ADGRV1: variants seen among roughly 807,000 people sequenced by gnomAD.
The protein encoded by ADGRV1 is G-protein coupled receptor 98.
Under a neutral mutation model 596.2 loss-of-function variants are expected in ADGRV1, and 359 were observed. The observed-to-expected ratio is 0.60, with a 90% confidence interval of 0.55 to 0.66. ADGRV1 has a LOEUF of 0.66. Ranked by LOEUF, ADGRV1 falls within the 30% of genes least tolerant of loss-of-function variation. The pLI is 0.00. For synonymous variants in ADGRV1, 2,681 were observed against 2,679.2 expected, an observed-to-expected ratio of 1.00 and a Z score of -0.02; for missense variants, 7,274 against 7,575.6, an observed-to-expected ratio of 0.96 and a Z score of 1.48.
At chr5:90,780,197 G>A (rs1399179266) in intron 64 of ADGRV1, 1 of 152,100 alleles carries the variant, frequency 6.6e-6, no homozygotes, top group East Asian at 1.9e-4. Context: ...TTTTTAAAAA[G>A]CAGTTTCTAT....
intron 85 of ADGRV1, among the ~76,000 whole-genome samples, chr5:91,027,353 A>G (rs1784104420): frequency 6.6e-6 from 1 of 152,086 alleles, no homozygotes; most frequent in African/African-American, 2.4e-5. Context: ...AAATCCCTCA[A>G]TCTCTTTACA....
chr5:90,639,096 A>ACACT, intron 11 of ADGRV1, among the ~76,000 whole-genome samples: 1 of 150,876 alleles, frequency 6.6e-6, no homozygotes, highest in East Asian at 1.9e-4. Context: ...ACACACACAC[A>ACACT]CGCTCGCGCA....
At chr5:90,632,507 A>G (rs892104961) in intron 9 of ADGRV1, among the ~76,000 whole-genome samples, 20 of 152,214 alleles carry the variant, frequency 1.3e-4, no homozygotes. Flanking sequence ...AGTATCCTCT[A>G]TGTTAAACTT....
chr5:91,091,700 G>GT (rs1456485453), intron 86 of ADGRV1: 1 of 152,112 alleles, frequency 6.6e-6, no homozygotes, highest in Non-Finnish European at 1.5e-5. Flanking sequence ...GGTGAATGGT[G>GT]TAGATTTCAG....
At position 90,790,871 on chromosome 5, in the gene ADGRV1, A is replaced by G. The variant is rs1371811456; in HGVS notation, c.14044-2A>G. 1 of 1,573,744 alleles carries G rather than the reference A, an allele frequency of 6.4e-7. No individual in the cohort carries two copies. The highest frequency in any genetic ancestry group is 8.6e-7 in the Non-Finnish European group (1 of 1,159,968). On this transcript the variant is annotated splice_acceptor_variant, in intron 69 of 89. Coordinates refer to ENST00000405460, the MANE Select transcript of ADGRV1 (RefSeq NM_032119.4). LOFTEE classifies it high-confidence loss of function. The stretch of plus-strand genomic sequence containing the variant: ...TTGTTGAGTTTTTTTCTTTTATTTT[A>G]GGTTTACTGGGAATTAAGTAGTGAG...
intron 70 of ADGRV1, chr5:90,792,913 A>T (rs1247772056): frequency 6.6e-6 from 1 of 152,268 alleles, no homozygotes; most frequent in Non-Finnish European, 1.5e-5. Flanking sequence ...TCATTGACAC[A>T]TGCTGATTCA....
intron 82 of ADGRV1, among the ~76,000 whole-genome samples, chr5:90,860,572 T>C (rs1273468217): frequency 6.6e-6 from 1 of 152,102 alleles, no homozygotes; most frequent in Non-Finnish European, 1.5e-5. Context: ...TGGGAATCAA[T>C]AGTGATAAGC....
In ADGRV1 at chr5:91,001,874, G is replaced by A. The variant is rs575402381; in HGVS notation, c.18152+16352G>A. Among the ~76,000 whole-genome samples the A allele has an allele frequency of 2.6e-5, 4 of 151,340 alleles. 1 individual carries two copies. The East Asian group carries it at 7.8e-4, about 30-fold the overall frequency. On this transcript the variant is annotated intron_variant, in intron 85 of 89. Coordinates refer to ENST00000405460, the MANE Select transcript of ADGRV1 (RefSeq NM_032119.4). ...TATTTTCTCTAATTCTTTTCTCTTT[G>A]TGTCTTTTTCTCTCAGTTGTTGCTA...
At chr5:90,847,800 C>T (rs986722384) in intron 78 of ADGRV1, among the ~76,000 whole-genome samples, 1 of 152,246 alleles carries the variant, frequency 6.6e-6, no homozygotes, top group Non-Finnish European at 1.5e-5. Flanking sequence ...CCACCCGGAA[C>T]TCGCGCTGGC....
intron 86 of ADGRV1, among the ~76,000 whole-genome samples, chr5:91,079,030 T>G (rs1789099393): frequency 6.6e-6 from 1 of 152,146 alleles, no homozygotes; most frequent in African/African-American, 2.4e-5. Context: ...TGATATGATT[T>G]TTTTTCCTAA....
Position 90,619,108 on chromosome 5 carries a change from T to A in ADGRV1, c.380T>A (p.Leu127His). The change falls in exon 4 of 90, where the codon CTT becomes CAT. Residue 127 changes from leucine to histidine, a missense_variant. Physicochemically the swap from Leu to His is moderately conservative, Grantham distance 99. This residue lies in a region of ADGRV1 where 1,715 missense variants were observed against 1,708.8 expected (regional missense o/e 1.00). Transcript: ENST00000405460. ...TAGAAACCTTCAGCAAATGTGAAGCTTGGATGGCCAAGGACTGTTACTGTG... is the reference window on the plus strand; with the variant it reads ...TAGAAACCTTCAGCAAATGTGAAGCATGGATGGCCAAGGACTGTTACTGTG... ...TLQKPSANVK[L>H]GWPRTVTVTI... 6.8e-7 allele frequency: 1 copy of A among 1,471,112 alleles called. No homozygotes were observed. The highest frequency in any genetic ancestry group is 9.1e-7 in the Non-Finnish European group (1 of 1,102,146). 91.1% of individuals were successfully genotyped at this position (1,471,112 alleles called of 1,614,324 possible). A position where few individuals can be genotyped will look rare whatever the true frequency, so the allele number is the denominator to read the frequency against.
chr5:91,126,399 T>C (rs2973442), intron 87 of ADGRV1, among the ~76,000 whole-genome samples: 128,850 of 152,242 alleles, frequency 0.85, 54,826 homozygotes, highest in African/African-American at 0.91. Flanking sequence ...ATATAATTAT[T>C]CAACATTTTT....
At chr5:90,894,696 C>G (rs748329918) in intron 83 of ADGRV1, among the ~76,000 whole-genome samples, 2 of 152,162 alleles carry the variant, frequency 1.3e-5, no homozygotes, top group Non-Finnish European at 2.9e-5. Flanking sequence ...CAAGCACGAA[C>G]ACAAGAAATC....
chr5:90,626,559 T>C (rs1764786327), intron 6 of ADGRV1: 1 of 151,744 alleles, frequency 6.6e-6, no homozygotes, highest in African/African-American at 2.4e-5. Flanking sequence ...ACAGTGGAGA[T>C]TAACCCCAAG....
chr5:91,152,481 A>G (rs1012708230), intron 88 of ADGRV1, among the ~76,000 whole-genome samples: 9 of 151,988 alleles, frequency 5.9e-5, no homozygotes, highest in Non-Finnish European at 8.8e-5. Flanking sequence ...CATCTTACCA[A>G]AAAAAAGTAT....
rs781697491 is a variant in ADGRV1, at chr5:90,725,186, C to T, written c.10007C>T (p.Ser3336Phe). Reference protein sequence around the residue: ...THEERNEEKPSLNSVFTFTSG... With the variant: ...THEERNEEKPFLNSVFTFTSG... Reference sequence around the variant, plus strand: ...GAAGAAAGAAATGAAGAAAAGCCTTCTCTTAACAGTGTGTTTACATTCACA... The same window carrying T: ...GAAGAAAGAAATGAAGAAAAGCCTTTTCTTAACAGTGTGTTTACATTCACA... The change falls in exon 47 of 90, where the codon TCT (serine) becomes TTT (phenylalanine). Residue 3336 changes from serine to phenylalanine, a missense_variant. Around this residue, in one of 5 missense-constraint regions of ADGRV1, gnomAD observed 3,643 missense variants for 3,809.2 expected, o/e 0.96. Transcript: ENST00000405460. 30 of 1,544,088 alleles carry T rather than the reference C, an allele frequency of 1.9e-5. No individual in the cohort carries two copies. In the Admixed American group the frequency reaches 5.4e-4, roughly 28 times the overall value.
rs551821895 is a variant in ADGRV1, at chr5:91,088,397, A to G, written c.18311-13822A>G. Among the ~76,000 whole-genome samples the G allele has an allele frequency of 1.2e-4, 19 of 152,326 alleles. No homozygotes were observed. In the South Asian group the frequency reaches 3.9e-3, roughly 32 times the overall value. ...AATTTTTTTTACAAACATCTTTCACAGACTTTGTAACTGGACAAACTCCAC... is the reference window on the plus strand; with the variant it reads ...AATTTTTTTTACAAACATCTTTCACGGACTTTGTAACTGGACAAACTCCAC... On this transcript the variant is annotated intron_variant, in intron 86 of 89. Coordinates refer to ENST00000405460, the MANE Select transcript of ADGRV1 (RefSeq NM_032119.4).
At chr5:90,704,558 T>G in intron 36 of ADGRV1, 70 bp downstream of exon 36, 1 of 919,572 alleles carries the variant, frequency 1.1e-6, no homozygotes, top group Non-Finnish European at 1.7e-6. Context: ...TTGTTATCTC[T>G]GTATTTAACA....
chr5:91,041,646 AAAAG>A (rs921141917), intron 85 of ADGRV1, among the ~76,000 whole-genome samples: 4 of 151,970 alleles, frequency 2.6e-5, no homozygotes, highest in African/African-American at 9.7e-5. Flanking sequence ...TAAAAAAAAA[AAAAG>A]AGAGAGAGAG....
Sources: gnomAD v4.1 joint callset for allele counts (sites outside exome capture counted in the v4.1 genomes callset) on GRCh38, gnomAD v4.1.1 for gene constraint, gnomAD v4.1.1 regional missense constraint, MANE v1.5 for transcripts, NCBI Gene and HGNC (gene_info 2026-07-23, HGNC 2026-07-21) for gene names.